Variants in SLA observed in about 807,000 individuals in gnomAD.
SLA encodes Src like adaptor.
Under a neutral mutation model 30.3 loss-of-function variants are expected in SLA, and 16 were observed. The observed-to-expected ratio is 0.53, with a 90% CI of 0.36 to 0.80. The LOEUF is 0.80. SLA is among the 30% of genes least tolerant of loss of function. The pLI, the probability that SLA is intolerant of heterozygous loss-of-function variation, is 0.01. For missense variants in SLA, 310 were observed against 345.2 expected, an observed-to-expected ratio of 0.90 and a Z score of 0.81; for synonymous variants, 143 against 137.8, an observed-to-expected ratio of 1.04 and a Z score of -0.26.
intron 1 of SLA, among the ~76,000 whole-genome samples, chr8:133,089,398 C>T (rs916785530): frequency 3.3e-5 from 5 of 152,172 alleles, no homozygotes; most frequent in African/African-American, 1.2e-4. Context: ...CCATTTTCAG[C>T]ACTGAGAATG....
At chr8:133,081,588 G>GA (rs35336483) in intron 1 of SLA, among the ~76,000 whole-genome samples, 38,752 of 151,212 alleles carry the variant, frequency 0.26, 5,251 homozygotes, top group African/African-American at 0.31. Context: ...GGAAGAAGAA[G>GA]AAAAAAAAAG....
chr8:133,083,851 C>A (rs1226257759), intron 1 of SLA, among the ~76,000 whole-genome samples: 10 of 152,154 alleles, frequency 6.6e-5, no homozygotes, highest in African/African-American at 2.4e-4. Context: ...TCTAGTGAAG[C>A]CACCTCCTCC....
intron 1 of SLA, among the ~76,000 whole-genome samples, chr8:133,098,999 A>C (rs1263647737): frequency 1.3e-5 from 2 of 152,214 alleles, no homozygotes. Context: ...CTACTCAAGG[A>C]TGCATTTGCA....
intron 3 of SLA, among the ~76,000 whole-genome samples, chr8:133,051,920 C>G (rs1840478180): frequency 1.3e-5 from 2 of 152,238 alleles, no homozygotes; most frequent in African/African-American, 4.8e-5. Flanking sequence ...CAACTACTTA[C>G]TGAGCACCTG....
At position 133,081,002 on chromosome 8, in the gene SLA, G is replaced by A. The variant is rs117797216; in HGVS notation, c.-318-5872C>T. Among the ~76,000 whole-genome samples the A allele has an allele frequency of 7.3e-3, 1,109 of 152,382 alleles. 7 individuals are homozygous for A. Among genetic ancestry groups the A allele is most frequent in the Middle Eastern group, 0.017 (5 of 294 alleles). ...GCGTATTGGAGTAACGAGCAAGAGA[G>A]GATTTGAAGTACTTAGGAGTTGTGT... On this transcript the variant is annotated intron_variant, in intron 1 of 8. Transcript: ENST00000338087.
Position 133,096,526 on chromosome 8 carries a change from T to C in SLA, c.-319+6027A>G, listed in dbSNP as rs1427062167. 2.0e-5 allele frequency among the ~76,000 whole-genome samples: 3 copies of C among 152,068 alleles called. No homozygotes were observed. The East Asian group carries it at 5.8e-4, about 29-fold the overall frequency. ...AGTTTAGGAGGTGGTAATGGGGGGATTTAGAAATTAGACACTTGCAGGGTA... is the reference window on the plus strand; with the variant it reads ...AGTTTAGGAGGTGGTAATGGGGGGACTTAGAAATTAGACACTTGCAGGGTA... On this transcript the variant is annotated intron_variant, in intron 1 of 8. Transcript: ENST00000338087.
At chr8:133,039,080 T>A (rs1167188385) in intron 8 of SLA, among the ~76,000 whole-genome samples, 1 of 152,176 alleles carries the variant, frequency 6.6e-6, no homozygotes, top group Non-Finnish European at 1.5e-5. Flanking sequence ...GGTTTCACCA[T>A]GTTGGCCAGG....
chr8:133,081,554 C>G (rs1266067206), intron 1 of SLA, among the ~76,000 whole-genome samples: 1 of 151,646 alleles, frequency 6.6e-6, no homozygotes, highest in East Asian at 1.9e-4. Flanking sequence ...TTCGGGAGGT[C>G]TTTTGGCCCT....
chr8:133,042,191 T>C (rs1838385708), intron 7 of SLA, among the ~76,000 whole-genome samples: 1 of 152,136 alleles, frequency 6.6e-6, no homozygotes, highest in Non-Finnish European at 1.5e-5. Context: ...TCTTATTGAC[T>C]CATTCTAAAA....
chr8:133,100,508 G>A (rs1314970851), intron 1 of SLA, among the ~76,000 whole-genome samples: 1 of 152,194 alleles, frequency 6.6e-6, no homozygotes, highest in East Asian at 1.9e-4. Context: ...AAATTATGAA[G>A]AACTGACTAT....
At chr8:133,079,577 CA>C (rs1845433679) in intron 1 of SLA, among the ~76,000 whole-genome samples, 1 of 152,158 alleles carries the variant, frequency 6.6e-6, no homozygotes, top group Admixed American at 6.5e-5. Flanking sequence ...GCTCCTAAGG[CA>C]ATTCAGCATC....
chr8:133,090,407 C>T lies in SLA; in HGVS notation c.-319+12146G>A, dbSNP rs1847306053. On this transcript the variant is annotated intron_variant, in intron 1 of 8. Transcript: ENST00000338087. ...CTGATTTAACTTCATAGTGCTGTGG[C>T]AGGACATAAATCAAGAGAGTGAGCA... 3.3e-5 allele frequency among the ~76,000 whole-genome samples: 5 copies of T among 152,284 alleles called. 1 individual carries two copies. In the South Asian group the frequency reaches 1.0e-3, roughly 32 times the overall value.
chr8:133,060,337 A>G, intron 2 of SLA, 137 bp from the exon 3 acceptor site: 1 of 1,551,860 alleles, frequency 6.4e-7, no homozygotes, highest in Non-Finnish European at 8.7e-7. Context: ...ATATGTGAAG[A>G]TGAGATTGGT....
chr8:133,067,032 G>A (rs950451339), intron 2 of SLA, among the ~76,000 whole-genome samples: 2 of 152,190 alleles, frequency 1.3e-5, no homozygotes, highest in East Asian at 3.8e-4. Context: ...CCCAGTACCG[G>A]CACAATTGAC....
chr8:133,079,621 G>A (rs1845443883), intron 1 of SLA, among the ~76,000 whole-genome samples: 2 of 152,220 alleles, frequency 1.3e-5, no homozygotes, highest in East Asian at 3.9e-4. Flanking sequence ...GCCCCATGCT[G>A]GGTCAGAGTC....
intron 1 of SLA, among the ~76,000 whole-genome samples, chr8:133,081,686 T>C (rs1202255047): frequency 6.6e-6 from 1 of 152,104 alleles, no homozygotes; most frequent in Admixed American, 6.6e-5. Flanking sequence ...CTGTCATTGC[T>C]CAACCTAGAC....
intron 4 of SLA, chr8:133,050,322 C>A: frequency 2.9e-6 from 1 of 339,398 alleles, no homozygotes; most frequent in Non-Finnish European, 5.5e-6. Context: ...TGCAGTATAG[C>A]CAAAGATAGT....
At chr8:133,083,819 TG>T (rs1680251758) in intron 1 of SLA, among the ~76,000 whole-genome samples, 1 of 152,158 alleles carries the variant, frequency 6.6e-6, no homozygotes, top group Admixed American at 6.6e-5. Context: ...TCTCATCCAG[TG>T]CCCTGCTGCC....
At chr8:133,096,275 C>G (rs888904025) in intron 1 of SLA, 2 of 1,614,228 alleles carry the variant, frequency 1.2e-6, no homozygotes, top group Non-Finnish European at 8.5e-7. Context: ...CCGTGAGCCT[C>G]CAGCCAGAGC....
Sources: allele counts gnomAD v4.1 joint callset (sites outside exome capture counted in the v4.1 genomes callset), GRCh38; gene constraint gnomAD v4.1.1; transcripts MANE v1.5; gene names NCBI Gene and HGNC (gene_info 2026-07-23, HGNC 2026-07-21).